ZNF98: variants seen among roughly 807,000 people sequenced by gnomAD.
ZNF98 encodes the protein zinc finger protein 739.
A neutral mutation model predicts 12.8 loss-of-function variants in ZNF98; 8 were observed. The ratio of observed to expected loss-of-function variants is 0.63; its 90% CI spans 0.37 to 1.13. The LOEUF is 1.13. Ranked by LOEUF, ZNF98 falls within the 50% of genes most tolerant of loss-of-function variation. ZNF98 has a pLI of 0.01. For synonymous variants in ZNF98, 112 were observed against 223.5 expected, an observed-to-expected ratio of 0.50 and a Z score of 4.45; for missense variants, 379 against 666.1, an observed-to-expected ratio of 0.57 and a Z score of 4.74.
chr19:22,411,644 G>A (rs1329375110), intron 1 of ZNF98, among the ~76,000 whole-genome samples: 1 of 152,184 alleles, frequency 6.6e-6, no homozygotes, highest in Non-Finnish European at 1.5e-5. Context: ...TTACTTAGCT[G>A]TTAATATAAT....
chr19:22,409,594 GA>G (rs1969558651), intron 1 of ZNF98, among the ~76,000 whole-genome samples: 1 of 151,878 alleles, frequency 6.6e-6, no homozygotes, highest in Non-Finnish European at 1.5e-5. Context: ...AAATTTACAA[GA>G]AAAAAACAAA....
At chr19:22,419,296 G>A (rs1191723607) in intron 1 of ZNF98, among the ~76,000 whole-genome samples, 1 of 152,078 alleles carries the variant, frequency 6.6e-6, no homozygotes, top group Non-Finnish European at 1.5e-5. Flanking sequence ...AATCCTGCCA[G>A]TTCTTTTCCT....
Position 22,391,264 on chromosome 19 carries a change from C to T in ZNF98, c.*252G>A, listed in dbSNP as rs749292664. On this transcript the variant is annotated 3_prime_UTR_variant, in exon 4 of 4. Coordinates refer to ENST00000357774, the MANE Select transcript of ZNF98 (RefSeq NM_001098626.2). ...TGAACTCTTTTGACAGTAATTGCACCTTTAATGCTATTAAGTATAAATTCT... is the reference window on the plus strand; with the variant it reads ...TGAACTCTTTTGACAGTAATTGCACTTTTAATGCTATTAAGTATAAATTCT... 3.6e-5 allele frequency: 25 copies of T among 690,626 alleles called. No homozygotes were observed. The highest frequency in any genetic ancestry group is 5.1e-5 in the Non-Finnish European group (23 of 455,350). The allele number at this position is 690,626 out of a possible 1,614,324, so 42.8% of individuals were successfully genotyped here. A position where few individuals can be genotyped will look rare whatever the true frequency, so the allele number is the denominator to read the frequency against.
At chr19:22,394,523 C>T (rs1969367988) in intron 3 of ZNF98, among the ~76,000 whole-genome samples, 1 of 152,124 alleles carries the variant, frequency 6.6e-6, no homozygotes, top group Non-Finnish European at 1.5e-5. Flanking sequence ...AGGATGAGTT[C>T]ATGTCCTTTG....
rs191600365 is a variant in ZNF98 at position 22,415,791 on chromosome 19, A to C, written c.30+6404T>G. 7.3e-5 allele frequency among the ~76,000 whole-genome samples: 11 copies of C among 151,722 alleles called. 1 individual carries two copies. The highest frequency in any genetic ancestry group is 5.9e-4 in the Admixed American group (9 of 15,242). On this transcript the variant is annotated intron_variant, in intron 1 of 3. Coordinates refer to ENST00000357774, the MANE Select transcript of ZNF98 (RefSeq NM_001098626.2). Reference sequence around the variant, plus strand: ...ACATAGTGAGAACCTGTCTTCAAAAATAAAATAAAATAAAAGGCTTAGGCC... The same window carrying C: ...ACATAGTGAGAACCTGTCTTCAAAACTAAAATAAAATAAAAGGCTTAGGCC...
intron 1 of ZNF98, among the ~76,000 whole-genome samples, chr19:22,409,070 T>A (rs1041919471): frequency 7.2e-5 from 11 of 152,068 alleles, no homozygotes; most frequent in Non-Finnish European, 1.6e-4. Flanking sequence ...CAAAACAACA[T>A]GGTACTGGTC....
At chr19:22,418,730 A>C (rs1969672522) in intron 1 of ZNF98, among the ~76,000 whole-genome samples, 1 of 152,094 alleles carries the variant, frequency 6.6e-6, no homozygotes, top group South Asian at 2.1e-4. Flanking sequence ...AATACTAAAA[A>C]AATTAGCCAG....
At chr19:22,416,824 T>TACAC (rs35593482) in intron 1 of ZNF98, among the ~76,000 whole-genome samples, 5,703 of 150,540 alleles carry the variant, frequency 0.038, 359 homozygotes, top group African/African-American at 0.13. Context: ...CACACACACA[T>TACAC]ACACACACAC....
At chr19:22,407,471 T>C (rs529901296) in intron 1 of ZNF98, among the ~76,000 whole-genome samples, 1 of 150,828 alleles carries the variant, frequency 6.6e-6, no homozygotes, top group South Asian at 2.1e-4. Context: ...CCCAGCACTT[T>C]GGGAGGCCAA....
intron 1 of ZNF98, among the ~76,000 whole-genome samples, chr19:22,407,484 C>T (rs972976903): frequency 2.6e-4 from 39 of 150,400 alleles, no homozygotes; most frequent in African/African-American, 9.5e-4. Context: ...GAGGCCAAGG[C>T]GGGTGAATCA....
chr19:22,407,841 G>A (rs903795441), intron 1 of ZNF98, among the ~76,000 whole-genome samples: 3 of 151,956 alleles, frequency 2.0e-5, no homozygotes, highest in African/African-American at 4.8e-5. Context: ...AGGCCGAGGC[G>A]GGCAGATCAC....
intron 3 of ZNF98, among the ~76,000 whole-genome samples, chr19:22,397,363 A>T (rs1178630358): frequency 6.6e-6 from 1 of 152,090 alleles, no homozygotes; most frequent in African/African-American, 2.4e-5. Context: ...AAATGAGAAT[A>T]TTAGTAAGGG....
At chr19:22,410,281 C>T (rs1369398323) in intron 1 of ZNF98, among the ~76,000 whole-genome samples, 2 of 152,184 alleles carry the variant, frequency 1.3e-5, no homozygotes, top group Non-Finnish European at 2.9e-5. Context: ...AATCATTCTA[C>T]TATAAAGACA....
intron 1 of ZNF98, among the ~76,000 whole-genome samples, chr19:22,411,859 T>C (rs1166768647): frequency 6.6e-6 from 1 of 152,216 alleles, no homozygotes; most frequent in Non-Finnish European, 1.5e-5. Flanking sequence ...CTTGAAAGAA[T>C]GTTTATGGTA....
At position 22,395,193 on chromosome 19, in the gene ZNF98, A is replaced by G. The variant is rs1009254234; in HGVS notation, c.254-2212T>C. Among the ~76,000 whole-genome samples, 32 of 151,406 alleles carry G rather than the reference A, an allele frequency of 2.1e-4. 1 individual carries two copies. The highest frequency in any genetic ancestry group is 1.5e-3 in the South Asian group (7 of 4,808). On this transcript the variant is annotated intron_variant, in intron 3 of 3. Coordinates refer to ENST00000357774, the MANE Select transcript of ZNF98 (RefSeq NM_001098626.2). ...GTTTCAAAAAGAAAAAAAAAAAAAA[A>G]AAAAGAAAAGAAACACGAATAAACT...
chr19:22,414,106 G>A (rs887414590), intron 1 of ZNF98, among the ~76,000 whole-genome samples: 10 of 150,974 alleles, frequency 6.6e-5, no homozygotes, highest in Non-Finnish European at 1.2e-4. Context: ...GTGGTGGCAG[G>A]CATCTGTAAT....
Position 22,392,884 on chromosome 19 carries a change from A to G in ZNF98, c.351T>C (p.Arg117=), listed in dbSNP as rs556223943. 2.2e-5 allele frequency: 35 copies of G among 1,607,710 alleles called. 1 individual carries two copies. The South Asian group carries it at 3.7e-4, about 17-fold the overall frequency. ...AGTATTTTCTTAACTGTAAATTTTC[A>G]CGTCCACATTTTTTATATGTTCTCA... The part of the protein sequence containing the change: ...VILRTYKKCG[R]ENLQLRKYCK... Residue 117 remains arginine (R), a synonymous_variant, in exon 4 of 4, where the codon CGT becomes CGC. Transcript: ENST00000357774.
At chr19:22,395,178 G>GAAAAAAAAAAAA (rs71180538) in intron 3 of ZNF98, among the ~76,000 whole-genome samples, 14 of 99,630 alleles carry the variant, frequency 1.4e-4, no homozygotes, top group East Asian at 6.1e-4. Flanking sequence ...GTTTCAAAAA[G>GAAAAAAAAAAAA]AAAAAAAAAA....
intron 1 of ZNF98, among the ~76,000 whole-genome samples, chr19:22,406,488 C>T (rs1252981688): frequency 1.3e-5 from 2 of 152,038 alleles, no homozygotes; most frequent in African/African-American, 2.4e-5. Flanking sequence ...AAGATCAAAA[C>T]TAGACAAACT....
Sources: allele counts gnomAD v4.1 joint callset (sites outside exome capture counted in the v4.1 genomes callset), GRCh38; gene constraint gnomAD v4.1.1; transcripts MANE v1.5; gene names NCBI Gene and HGNC (gene_info 2026-07-23, HGNC 2026-07-21).